ABCA8: variants seen among roughly 807,000 people sequenced by gnomAD.
ABCA8 encodes ATP binding cassette subfamily A member 8, also known as ABC-type organic anion transporter ABCA8.
ABCA8 carries 177 observed loss-of-function variants against 192.3 expected under a neutral mutation model. The observed-to-expected ratio is 0.92, with a 90% CI of 0.81 to 1.04. The LOEUF is 1.04. Among genes scored for constraint, ABCA8 ranks in the 50% least tolerant of loss-of-function variants. The pLI is 0.00. For synonymous variants in ABCA8, 642 were observed against 690.2 expected (o/e 0.93, Z 1.09); for missense variants, 1,915 against 1,904.8 (o/e 1.01, Z -0.10).
chr17:68,949,971 G>A (rs1394937095), intron 1 of ABCA8, among the ~76,000 whole-genome samples: 1 of 151,962 alleles, frequency 6.6e-6, no homozygotes, highest in East Asian at 1.9e-4. Flanking sequence ...AAGAAATAAA[G>A]GTATTCAAAT....
intron 19 of ABCA8, among the ~76,000 whole-genome samples, chr17:68,905,235 C>T (rs1036197144): frequency 6.6e-6 from 1 of 152,044 alleles, no homozygotes; most frequent in African/African-American, 2.4e-5. Context: ...TGATAAAATA[C>T]AAATTTCAAG....
intron 24 of ABCA8, among the ~76,000 whole-genome samples, chr17:68,889,992 T>C (rs2143372975): frequency 6.6e-6 from 1 of 152,338 alleles, no homozygotes; most frequent in South Asian, 2.1e-4. Flanking sequence ...TTGGCTGTTA[T>C]GATTAATGCT....
rs2067958233 is a variant in ABCA8 at position 68,933,207 on chromosome 17, A to C, written c.531T>G (p.Phe177Leu). The change falls in exon 6 of 40, where the codon TTT (phenylalanine) becomes TTG (leucine). Residue 177 changes from phenylalanine (F) to leucine (L), a missense_variant. Transcript: ENST00000586539. ...CEVSVFWKEGFVALQAAINAA... is the reference protein window; with the variant it reads ...CEVSVFWKEGLVALQAAINAA... ...CATTAATGGCAGCTTGAAGAGCCAC[A>C]AAACCTTCCTTCCAAAATACTGAAA... The C allele has an allele frequency of 6.2e-7, 1 of 1,613,332 alleles. No individual in the cohort carries two copies.
chr17:68,943,439 C>T (rs911632788), intron 2 of ABCA8, among the ~76,000 whole-genome samples: 1 of 152,142 alleles, frequency 6.6e-6, no homozygotes, highest in Non-Finnish European at 1.5e-5. Context: ...TTCATCTTTT[C>T]CACATTCTCA....
At chr17:68,880,668 G>A (rs2066314912) in intron 32 of ABCA8, 1 of 172,494 alleles carries the variant, frequency 5.8e-6, no homozygotes, top group South Asian at 1.5e-4. Flanking sequence ...TGGCGCCTGT[G>A]CCAGTGCCTG....
chr17:68,917,503 A>C (rs766695019), intron 16 of ABCA8, 52 bp from the exon 17 acceptor site: 1 of 1,340,316 alleles, frequency 7.5e-7, no homozygotes, highest in Non-Finnish European at 1.1e-6. Context: ...TGGCCCATCC[A>C]TTTCCAAGAA....
At chr17:68,923,386 G>A (rs1196302045) in intron 11 of ABCA8, among the ~76,000 whole-genome samples, 1 of 151,988 alleles carries the variant, frequency 6.6e-6, no homozygotes, top group Non-Finnish European at 1.5e-5. Flanking sequence ...TTTTAGTAGA[G>A]ATGGGGTTTT....
At chr17:68,917,982 A>G (rs2067420431) in intron 16 of ABCA8, 65 bp downstream of exon 16, 3 of 1,576,464 alleles carry the variant, frequency 1.9e-6, no homozygotes, top group Non-Finnish European at 2.6e-6. Flanking sequence ...CTGTTCAGAG[A>G]CCAATCCATA....
At chr17:68,869,814 A>G in intron 37 of ABCA8, 35 bp from the exon 38 acceptor site, 1 of 1,439,012 alleles carries the variant, frequency 6.9e-7, no homozygotes, top group African/African-American at 1.4e-5. Context: ...GAGTGATACC[A>G]CTTGTGCCAG....
intron 30 of ABCA8, among the ~76,000 whole-genome samples, chr17:68,882,346 A>G (rs1044694384): frequency 6.6e-6 from 1 of 152,204 alleles, no homozygotes; most frequent in Non-Finnish European, 1.5e-5. Flanking sequence ...TTCTCCAACA[A>G]GCAATGATGT....
rs777685578 is a variant in ABCA8 at position 68,902,893 on chromosome 17, A to C, written c.2598-14T>G. The C allele has an allele frequency of 6.2e-7, 1 of 1,601,116 alleles. No homozygotes were observed. The highest frequency in any genetic ancestry group is 1.1e-5 in the South Asian group (1 of 89,156). ...AGAATTAATAGCCTACACAAAAGAA[A>C]ATTGCCAAAATGAATGCAATGTCAT... On this transcript the variant is annotated splice_polypyrimidine_tract_variant and intron_variant, in intron 20 of 39. Transcript: ENST00000586539.
Position 68,940,863 on chromosome 17 carries a change from G to A in ABCA8, c.196C>T (p.Arg66Trp), listed in dbSNP as rs148549682. The A allele has an allele frequency of 1.4e-3, 2,220 of 1,613,062 alleles. 4 individuals carry two copies. Among genetic ancestry groups the A allele is most frequent in the Non-Finnish European group, 1.8e-3 (2,108 of 1,179,264 alleles). ...CTGGATTCATTAAATGTATCTACCC[G>A]TCCCAGGTCCATGGTAAGCAGTGAA... is the stretch of plus-strand genomic sequence containing the variant. Reference protein sequence around the residue: ...FSSLLTMDLGRVDTFNESRFS... With the variant: ...FSSLLTMDLGWVDTFNESRFS... Residue 66 changes from arginine to tryptophan, a missense_variant, in exon 4 of 40, where the codon CGG becomes TGG. By Grantham distance (101) the Arg-to-Trp change is moderately radical (BLOSUM62 -3). Transcript: ENST00000586539.
At chr17:68,951,815 A>G (rs2068575210) in intron 1 of ABCA8, among the ~76,000 whole-genome samples, 1 of 152,170 alleles carries the variant, frequency 6.6e-6, no homozygotes, top group Admixed American at 6.5e-5. Flanking sequence ...TGGTTACTAT[A>G]TAAAAAACTA....
In ABCA8 at chr17:68,924,765, C is replaced by T. The variant is rs370110491; in HGVS notation, c.1378G>A (p.Asp460Asn). The T allele has an allele frequency of 6.9e-5, 112 of 1,613,938 alleles. No homozygotes were observed. Among genetic ancestry groups the T allele is most frequent in the Middle Eastern group, 1.6e-4 (1 of 6,084 alleles). Residue 460 changes from aspartate to asparagine, a missense_variant, in exon 11 of 40, where the codon GAT becomes AAT. Physicochemically the swap from Asp to Asn is conservative, Grantham distance 23. Transcript: ENST00000586539. ...TCAAAAGAGTCATGAAATGAAGGAT[C>T]GGCATCCATTTCATCTTCAAGGGCC... The part of the protein sequence containing the change: ...HVALEDEMDA[D>N]PSFHDSFEQA...
chr17:68,877,362 T>C, intron 33 of ABCA8, 157 bp downstream of exon 33: 2 of 627,408 alleles, frequency 3.2e-6, no homozygotes, highest in Non-Finnish European at 5.2e-6. Flanking sequence ...ACTTAATACT[T>C]TGATATCCAG....
In ABCA8 at chr17:68,948,506, G is replaced by GT. The variant is rs565524278; in HGVS notation, c.-6+805dup. 3.5e-3 allele frequency among the ~76,000 whole-genome samples: 526 copies of GT among 152,172 alleles called. 4 individuals carry two copies. Among genetic ancestry groups the GT allele is most frequent in the African/African-American group, 0.011 (468 of 41,530 alleles). ...TTTCTCTAGTGATCAGTGGTGATGAGTTTTTTTTATTTGTTTGTTGGCCAC... is the reference window on the plus strand; with the variant it reads ...TTTCTCTAGTGATCAGTGGTGATGAGTTTTTTTTTATTTGTTTGTTGGCCAC... On this transcript the variant is annotated intron_variant, in intron 2 of 39. Transcript: ENST00000586539.
At chr17:68,919,678 C>T (rs1022920132) in intron 13 of ABCA8, 3 of 488,720 alleles carry the variant, frequency 6.1e-6, no homozygotes, top group Non-Finnish European at 1.1e-5. Flanking sequence ...CTTTGTCTGC[C>T]CCTCACATTT....
At chr17:68,918,264 A>G in intron 15 of ABCA8, 79 bp from the exon 16 acceptor site, 1 of 1,567,152 alleles carries the variant, frequency 6.4e-7, no homozygotes, top group South Asian at 1.2e-5. Flanking sequence ...AACCATATTG[A>G]TTATATTTAA....
Position 68,882,539 on chromosome 17 carries a change from A to C in ABCA8, c.3828+60T>G, listed in dbSNP as rs1276147557. The C allele has an allele frequency of 2.0e-6, 3 of 1,464,892 alleles. No individual in the cohort carries two copies. The East Asian group carries it at 6.9e-5, about 34-fold the overall frequency. The allele number at this position is 1,464,892 out of a possible 1,614,324, so 90.7% of individuals were successfully genotyped here. ...TTTGTAAGGAACAGAGAAACTCAAA[A>C]TCATTAGAGAATTAGACTGGTAGAC... On this transcript the variant is annotated intron_variant, in intron 30 of 39. Coordinates refer to ENST00000586539, the MANE Select transcript of ABCA8 (RefSeq NM_001288985.2).
Sources: allele counts gnomAD v4.1 joint callset (sites outside exome capture counted in the v4.1 genomes callset), GRCh38; gene constraint gnomAD v4.1.1; transcripts MANE v1.5; gene names NCBI Gene and HGNC (gene_info 2026-07-23, HGNC 2026-07-21).